MAPKAP1: variants seen among roughly 807,000 people sequenced by gnomAD.
MAPKAP1 encodes target of rapamycin complex 2 subunit MAPKAP1.
In MAPKAP1, 20 loss-of-function variants were observed where a neutral mutation model predicts 65.7. The ratio of observed to expected loss-of-function variants is 0.30; its 90% confidence interval spans 0.21 to 0.44. MAPKAP1 has a LOEUF of 0.44. Ranked by LOEUF, MAPKAP1 falls within the 20% of genes least tolerant of loss-of-function variation. MAPKAP1 has a pLI of 1.00. For synonymous variants in MAPKAP1, 222 were observed against 244.3 expected (o/e 0.91, Z 0.85); for missense variants, 423 against 648.0 (o/e 0.65, Z 3.77).
At chr9:125,625,459 G>T (rs1355926787) in intron 4 of MAPKAP1, among the ~76,000 whole-genome samples, 2 of 152,106 alleles carry the variant, frequency 1.3e-5, no homozygotes, top group African/African-American at 2.4e-5. Context: ...CAGAGCAGCA[G>T]CTGGCTTTTT....
chr9:125,477,936 T>C (rs1415891218), intron 9 of MAPKAP1: 7 of 152,252 alleles, frequency 4.6e-5, no homozygotes, highest in African/African-American at 1.4e-4. Context: ...CTGTACTTTT[T>C]AGGACTGACA....
chr9:125,627,967 C>G (rs574694711), intron 4 of MAPKAP1, among the ~76,000 whole-genome samples: 33 of 152,282 alleles, frequency 2.2e-4, no homozygotes, highest in Admixed American at 7.8e-4. Flanking sequence ...TAATTCTCTA[C>G]GACAAAGGCG....
In MAPKAP1 at chr9:125,571,659, C is replaced by T. The variant is rs139268392; in HGVS notation, c.672-11850G>A. ...ATCACCTGAGGTCAGGAGTTTGAGA[C>T]GAGCATGGCCAACGCATGGTGAAAC... On this transcript the variant is annotated intron_variant, in intron 5 of 11. Transcript: ENST00000265960. 3.5e-3 allele frequency among the ~76,000 whole-genome samples: 531 copies of T among 151,430 alleles called. 6 individuals are homozygous for T. Among genetic ancestry groups the T allele is most frequent in the African/African-American group, 0.012 (507 of 41,254 alleles).
In MAPKAP1 at chr9:125,595,643, C is replaced by T. The variant is rs1439166866; in HGVS notation, c.499-9916G>A. On this transcript the variant is annotated intron_variant, in intron 4 of 11. Coordinates refer to ENST00000265960, the MANE Select transcript of MAPKAP1 (RefSeq NM_001006617.3). This position sits in a 1 kb window ranked among gnomAD's most constrained non-coding sequence, Gnocchi z 4.0. ...GCCTGTGGACACGCCAAGGAAGCATCGTTAAAGTCTCTCTTCTCCCTGCCG... is the reference window on the plus strand; with the variant it reads ...GCCTGTGGACACGCCAAGGAAGCATTGTTAAAGTCTCTCTTCTCCCTGCCG... 6.7e-5 allele frequency: 98 copies of T among 1,463,696 alleles called. No individual in the cohort carries two copies. Among genetic ancestry groups the T allele is most frequent in the Non-Finnish European group, 8.6e-5 (96 of 1,112,004 alleles). The allele number at this position is 1,463,696 out of a possible 1,614,324, so 90.7% of individuals were successfully genotyped here. A position where few individuals can be genotyped will look rare whatever the true frequency, so the allele number is the denominator to read the frequency against.
intron 3 of MAPKAP1, among the ~76,000 whole-genome samples, chr9:125,659,155 A>G (rs912454577): frequency 2.0e-5 from 3 of 152,238 alleles, no homozygotes; most frequent in African/African-American, 7.2e-5. Context: ...ATCTATTACC[A>G]CTTTCATGCT....
intron 5 of MAPKAP1, chr9:125,572,969 C>G (rs1831281177): frequency 6.6e-6 from 1 of 152,072 alleles, no homozygotes; most frequent in Admixed American, 6.5e-5. Flanking sequence ...GAGCTCCTGT[C>G]TACTCTGAAT....
intron 1 of MAPKAP1, among the ~76,000 whole-genome samples, chr9:125,693,560 CAT>C (rs1047867123): frequency 1.3e-4 from 20 of 150,064 alleles, no homozygotes; most frequent in South Asian, 4.2e-4. Flanking sequence ...TATACACACA[CAT>C]ATATACATAC....
At chr9:125,666,674 T>C (rs1162050028) in intron 3 of MAPKAP1, among the ~76,000 whole-genome samples, 1 of 152,060 alleles carries the variant, frequency 6.6e-6, no homozygotes, top group East Asian at 1.9e-4. Flanking sequence ...AAACTCTCAA[T>C]AAAGATCAAA....
intron 5 of MAPKAP1, chr9:125,568,840 T>A (rs1199619624): frequency 5.8e-6 from 1 of 172,982 alleles, no homozygotes; most frequent in African/African-American, 2.4e-5. Context: ...CCTGGCATGC[T>A]GACAAAAGGG....
intron 8 of MAPKAP1, among the ~76,000 whole-genome samples, chr9:125,498,708 G>A (rs187494336): frequency 6.6e-6 from 1 of 152,270 alleles, no homozygotes; most frequent in Admixed American, 6.5e-5. Context: ...TCAAACAAAT[G>A]GTTTTATTTA....
chr9:125,577,361 G>T (rs891619366), intron 5 of MAPKAP1, among the ~76,000 whole-genome samples: 2 of 150,626 alleles, frequency 1.3e-5, no homozygotes, highest in Non-Finnish European at 3.0e-5. Flanking sequence ...GTCTCCGCCC[G>T]GCAGCCACCC....
intron 6 of MAPKAP1, among the ~76,000 whole-genome samples, chr9:125,551,727 T>C (rs1179203168): frequency 8.6e-5 from 13 of 151,780 alleles, no homozygotes. Flanking sequence ...TGTCAACACA[T>C]ATAAGGTAAT....
At chr9:125,699,383 G>C (rs1214051710) in intron 1 of MAPKAP1, among the ~76,000 whole-genome samples, 1 of 151,798 alleles carries the variant, frequency 6.6e-6, no homozygotes, top group Admixed American at 6.6e-5. Flanking sequence ...TAATTGTTTT[G>C]ATTTTTAGTA....
chr9:125,703,833 C>T (rs1480923116), intron 1 of MAPKAP1, among the ~76,000 whole-genome samples: 3 of 151,032 alleles, frequency 2.0e-5, no homozygotes, highest in African/African-American at 4.9e-5. Flanking sequence ...TTGACATCTA[C>T]AACTGCGTCC....
At chr9:125,546,098 A>T (rs1830414265) in intron 6 of MAPKAP1, among the ~76,000 whole-genome samples, 1 of 152,214 alleles carries the variant, frequency 6.6e-6, no homozygotes, top group Non-Finnish European at 1.5e-5. Flanking sequence ...CTTCCTTTAC[A>T]GCCTCCGTGC....
intron 1 of MAPKAP1, among the ~76,000 whole-genome samples, chr9:125,700,998 A>T (rs1835579444): frequency 6.6e-6 from 1 of 152,208 alleles, no homozygotes; most frequent in African/African-American, 2.4e-5. Context: ...GTAATGAATA[A>T]AGAACAGATG....
rs185449190 is a variant in MAPKAP1, at chr9:125,495,777, C to T, written c.1066+10533G>A. Among the ~76,000 whole-genome samples the T allele has an allele frequency of 1.1e-4, 16 of 152,326 alleles. 1 individual carries two copies. The East Asian group carries it at 2.5e-3, about 24-fold the overall frequency. ...AAGTTTGCTTCAAGACAGGTCAGCA[C>T]AGCTTTTTGCCCCAGGTGTCAGCTA... On this transcript the variant is annotated intron_variant, in intron 8 of 11. Coordinates refer to ENST00000265960, the MANE Select transcript of MAPKAP1 (RefSeq NM_001006617.3).
At chr9:125,622,283 T>C (rs1249072490) in intron 4 of MAPKAP1, among the ~76,000 whole-genome samples, 1 of 152,118 alleles carries the variant, frequency 6.6e-6, no homozygotes, top group East Asian at 1.9e-4. Flanking sequence ...TTGTTGCATA[T>C]TTTCAAAAAG....
intron 1 of MAPKAP1, among the ~76,000 whole-genome samples, chr9:125,672,847 A>G (rs13284832): frequency 6.6e-6 from 1 of 152,040 alleles, no homozygotes; most frequent in South Asian, 2.1e-4. Context: ...TGAGATCTCT[A>G]TAGAATCAGA....
Sources: gnomAD v4.1 joint callset for allele counts (sites outside exome capture counted in the v4.1 genomes callset) on GRCh38, gnomAD v4.1.1 for gene constraint, Gnocchi (gnomAD v3.1) non-coding constraint, MANE v1.5 for transcripts, NCBI Gene and HGNC (gene_info 2026-07-23, HGNC 2026-07-21) for gene names.